Variants in OR3A2 observed in about 807,000 individuals in gnomAD.
OR3A2 encodes the protein olfactory receptor 3A2.
For missense variants in OR3A2, 318 were observed against 392.8 expected (o/e 0.81, Z 1.61); for synonymous variants, 126 against 159.3 (o/e 0.79, Z 1.57).
intron 2 of OR3A2, among the ~76,000 whole-genome samples, chr17:3,353,416 G>A (rs1181535788): frequency 6.6e-6 from 1 of 151,826 alleles, no homozygotes; most frequent in Non-Finnish European, 1.5e-5. Context: ...TAGTGAAAGT[G>A]GACATTCTCG....
intron 3 of OR3A2, among the ~76,000 whole-genome samples, chr17:3,318,796 T>C (rs1489022686): frequency 3.9e-5 from 6 of 152,214 alleles, no homozygotes; most frequent in Non-Finnish European, 8.8e-5. Context: ...AACACTTTTA[T>C]GAATATTGAC....
At chr17:3,282,180 T>A (rs533421824) in intron 1 of OR3A2, among the ~76,000 whole-genome samples, 1 of 152,104 alleles carries the variant, frequency 6.6e-6, no homozygotes, top group Non-Finnish European at 1.5e-5. Flanking sequence ...TTTGGGAGGC[T>A]GAGGTGGGTG....
chr17:3,328,061 A>G lies in OR3A2; in HGVS notation c.-85+7972T>C, dbSNP rs962242890. The stretch of plus-strand genomic sequence containing the variant: ...GGGGGCTCTTTTTTGGTTCCATATG[A>G]ACTTTAAAGTAGTTTTTTCCAATTC... On this transcript the variant is annotated intron_variant, in intron 3 of 4. Transcript: ENST00000573491. Among the ~76,000 whole-genome samples the G allele has an allele frequency of 3.0e-4, 44 of 145,528 alleles. No individual in the cohort carries two copies. In the East Asian group the frequency reaches 7.5e-3, roughly 25 times the overall value.
rs199576184 is a variant in OR3A2 at position 3,284,089 on chromosome 17, C to T, written c.-7+269G>A. Among the ~76,000 whole-genome samples, 612 of 149,022 alleles carry T rather than the reference C, an allele frequency of 4.1e-3. 8 individuals are homozygous for T. The East Asian group carries it at 0.066, about 16-fold the overall frequency. On this transcript the variant is annotated intron_variant, in intron 1 of 1. Coordinates refer to ENST00000642052, the Ensembl canonical transcript of OR3A2. ...GGACTTCGCTGGAGCGAGGGTTCCC[C>T]GCTGCCTGATGCAGTGGGTGCGGGC...
rs145107066 is a variant in OR3A2, at chr17:3,311,573, A to T, written c.-85+24460T>A. On this transcript the variant is annotated intron_variant, in intron 3 of 4. Coordinates refer to the OR3A2 transcript ENST00000573491. The surrounding 1 kb of genome is among the most constrained non-coding windows in gnomAD (Gnocchi z 4.6). ...TTCCAGCTCTCTTGCTCCAGCATCCACCTCAATGGGCAGCTGCTGCTTGTG... is the reference window on the plus strand; with the variant it reads ...TTCCAGCTCTCTTGCTCCAGCATCCTCCTCAATGGGCAGCTGCTGCTTGTG... 1.7e-3 allele frequency: 724 copies of T among 416,774 alleles called. 2 individuals carry two copies. Among genetic ancestry groups the T allele is most frequent in the Non-Finnish European group, 3.2e-3 (652 of 206,084 alleles). 25.8% of individuals were successfully genotyped at this position (416,774 alleles called of 1,614,324 possible).
chr17:3,347,802 T>C (rs578132783), intron 2 of OR3A2, among the ~76,000 whole-genome samples: 22 of 152,328 alleles, frequency 1.4e-4, no homozygotes, highest in Non-Finnish European at 2.4e-4. Flanking sequence ...TAGTTCTAGA[T>C]CCCTGAGGAA....
At chr17:3,325,037 C>A (rs2049159010) in intron 3 of OR3A2, among the ~76,000 whole-genome samples, 1 of 151,922 alleles carries the variant, frequency 6.6e-6, no homozygotes, top group African/African-American at 2.4e-5. Flanking sequence ...AACTATTTCC[C>A]CATCTCAAGT....
chr17:3,364,584 G>C (rs914091598), intron 2 of OR3A2, among the ~76,000 whole-genome samples: 2 of 152,284 alleles, frequency 1.3e-5, no homozygotes, highest in Non-Finnish European at 2.9e-5. Context: ...TGTTAGAATG[G>C]CTATTATCAA....
intron 2 of OR3A2, among the ~76,000 whole-genome samples, chr17:3,341,687 G>C (rs1466889440): frequency 6.6e-6 from 1 of 152,118 alleles, no homozygotes; most frequent in Non-Finnish European, 1.5e-5. Flanking sequence ...CTCTCTGGCT[G>C]CCCTTAACAT....
chr17:3,372,236 C>A (rs1163755352), intron 2 of OR3A2, among the ~76,000 whole-genome samples: 1,658 of 148,500 alleles, frequency 0.011, 31 homozygotes, highest in African/African-American at 0.038. Context: ...GGCGGCCGGG[C>A]AGAGATGCTC....
chr17:3,320,785 T>G (rs2049114975), intron 3 of OR3A2, among the ~76,000 whole-genome samples: 1 of 152,140 alleles, frequency 6.6e-6, no homozygotes, highest in African/African-American at 2.4e-5. Context: ...ACTGTAGCCT[T>G]GCAGTATAGT....
At chr17:3,341,644 G>C (rs1479623816) in intron 2 of OR3A2, among the ~76,000 whole-genome samples, 1 of 152,180 alleles carries the variant, frequency 6.6e-6, no homozygotes, top group Non-Finnish European at 1.5e-5. Context: ...CTGTTAGTCT[G>C]ATGGGCTTCC....
intron 2 of OR3A2, among the ~76,000 whole-genome samples, chr17:3,363,956 A>C (rs1214453569): frequency 6.6e-6 from 1 of 152,178 alleles, no homozygotes; most frequent in East Asian, 1.9e-4. Context: ...TGAGAACAGC[A>C]AGGGGAAAAT....
At chr17:3,292,133 C>T (rs779127412) in intron 3 of OR3A2, 39 of 1,614,070 alleles carry the variant, frequency 2.4e-5, no homozygotes, top group Non-Finnish European at 3.2e-5. Context: ...AAGCCCAGGA[C>T]GCAGCCACCA....
At chr17:3,278,179 G>T (rs1567539100) in exon 2 of OR3A2, 1 of 1,614,226 alleles carries the variant, frequency 6.2e-7, no homozygotes, top group South Asian at 1.1e-5. Flanking sequence ...ACGGTGAGGT[G>T]GGAGCCACAC....
In OR3A2 at chr17:3,372,540, C is replaced by T. The variant is rs1202871819; in HGVS notation, c.-179+11264G>A. Among the ~76,000 whole-genome samples the T allele has an allele frequency of 1.6e-3, 244 of 152,142 alleles. 1 individual carries two copies. Among genetic ancestry groups the T allele is most frequent in the African/African-American group, 3.1e-3 (127 of 41,532 alleles). On this transcript the variant is annotated intron_variant, in intron 2 of 4. Transcript: ENST00000573491. ...GCACTCCAGCCTGGGCACCATTGAG[C>T]ACTGAGTGAACGAGACTCCGTCTGC...
chr17:3,292,443 C>T lies in OR3A2; in HGVS notation c.-84-13290G>A. ...CTCCACCAAGACAGCTGCCAGGATG[C>T]TGAGGTTGCCCCTGACCGTGACCAG... is the stretch of plus-strand genomic sequence containing the variant. On this transcript the variant is annotated intron_variant, in intron 3 of 4. Transcript: ENST00000573491. 5 of 1,613,802 alleles carry T rather than the reference C, an allele frequency of 3.1e-6. No individual in the cohort carries two copies. The South Asian group carries it at 4.4e-5, about 14-fold the overall frequency.
At chr17:3,305,182 C>T (rs548183348) in intron 3 of OR3A2, among the ~76,000 whole-genome samples, 81 of 152,282 alleles carry the variant, frequency 5.3e-4, no homozygotes, top group Non-Finnish European at 1.0e-3. Flanking sequence ...TTATGATATG[C>T]ATGCTTAAGT....
intron 3 of OR3A2, chr17:3,291,540 G>A: frequency 1.0e-6 from 1 of 955,234 alleles, no homozygotes; most frequent in Non-Finnish European, 1.6e-6. Flanking sequence ...CCATGAAACA[G>A]AAACAGGTGT....
Sources: allele counts gnomAD v4.1 joint callset (sites outside exome capture counted in the v4.1 genomes callset), GRCh38; gene constraint gnomAD v4.1.1; non-coding constraint Gnocchi (gnomAD v3.1); transcripts MANE v1.5; gene names NCBI Gene and HGNC (gene_info 2026-07-23, HGNC 2026-07-21).